The following NOX4 variants were observed in gnomAD, a reference collection of about 807,000 sequenced individuals.
NOX4 encodes the protein NADPH oxidase 4.
Under a neutral mutation model 87.6 loss-of-function variants are expected in NOX4, and 69 were observed. The ratio of observed to expected loss-of-function variants is 0.79; its 90% CI spans 0.65 to 0.96. The LOEUF is 0.96. Ranked by LOEUF, NOX4 falls within the 40% of genes least tolerant of loss-of-function variation. The pLI, the probability that NOX4 is intolerant of heterozygous loss-of-function variation, is 0.00. For synonymous variants in NOX4, 275 were observed against 238.2 expected (o/e 1.15, Z -1.42); for missense variants, 680 against 681.5 (o/e 1.00, Z 0.02).
At chr11:89,572,479 C>T in the NOX4 span, among the ~76,000 whole-genome samples, 1 of 152,064 alleles carries the variant, frequency 6.6e-6, no homozygotes, top group Non-Finnish European at 1.5e-5. Flanking sequence ...CTATTAAGTT[C>T]TTCTTGAGAC....
chr11:89,455,527 T>C (rs1945153399), intron 2 of NOX4, among the ~76,000 whole-genome samples: 2 of 152,098 alleles, frequency 1.3e-5, no homozygotes, highest in Non-Finnish European at 2.9e-5. Context: ...TAAACACAGG[T>C]ACCATGCTCT....
the NOX4 span, among the ~76,000 whole-genome samples, chr11:89,570,709 T>C: frequency 2.0e-5 from 3 of 152,074 alleles, no homozygotes; most frequent in African/African-American, 4.8e-5. Flanking sequence ...TGCATACCTG[T>C]AGTTGCAGAG....
the NOX4 span, among the ~76,000 whole-genome samples, chr11:89,532,295 G>A: frequency 4.6e-5 from 7 of 152,216 alleles, no homozygotes; most frequent in South Asian, 2.1e-4. Flanking sequence ...CTACCCTACA[G>A]AGCCACAGAG....
chr11:89,364,736 A>G (rs1419520073), intron 12 of NOX4, among the ~76,000 whole-genome samples: 11 of 152,126 alleles, frequency 7.2e-5, no homozygotes, highest in Non-Finnish European at 1.3e-4. Context: ...TTTATCTACT[A>G]TCATTCACAC....
chr11:89,508,289 A>G, the NOX4 span, among the ~76,000 whole-genome samples: 1 of 152,074 alleles, frequency 6.6e-6, no homozygotes, highest in Admixed American at 6.6e-5. Context: ...GATGTCTTGT[A>G]AATGAGCGCC....
the NOX4 span, among the ~76,000 whole-genome samples, chr11:89,565,402 T>C: frequency 1.8e-4 from 27 of 152,148 alleles, no homozygotes; most frequent in African/African-American, 6.0e-4. Flanking sequence ...TGTACATTCA[T>C]TGGATATTAT....
Position 89,449,477 on chromosome 11 carries a change from G to A in NOX4, c.312C>T (p.Phe104=). The change falls in exon 4 of 18, where the codon TTC becomes TTT. Residue 104 remains phenylalanine (F), a synonymous_variant. Transcript: ENST00000263317. ...AGATAGTAACACCACAGGTAATATG[G>A]AATGTTCTGCTTTTATCCAACAATC... ...TRRLLDKSRT[F]HITCGVTICI... is the part of the protein sequence containing the mutation. The A allele has an allele frequency of 6.2e-7, 1 of 1,611,988 alleles. No homozygotes were observed. Among genetic ancestry groups the A allele is most frequent in the Non-Finnish European group, 8.5e-7 (1 of 1,178,890 alleles).
chr11:89,577,279 T>A, the NOX4 span: 1 of 152,288 alleles, frequency 6.6e-6, no homozygotes, highest in African/African-American at 2.4e-5. Flanking sequence ...TATTTCATTC[T>A]CAATGATGAT....
chr11:89,544,588 T>C, the NOX4 span, among the ~76,000 whole-genome samples: 1 of 152,086 alleles, frequency 6.6e-6, no homozygotes, highest in East Asian at 1.9e-4. Context: ...TGGACATCTT[T>C]TAAGGATTCC....
At chr11:89,385,570 T>A (rs1052378942) in intron 11 of NOX4, among the ~76,000 whole-genome samples, 1 of 152,216 alleles carries the variant, frequency 6.6e-6, no homozygotes, top group African/African-American at 2.4e-5. Flanking sequence ...TCATGTAGGT[T>A]ACAAGCTGGT....
At chr11:89,328,248 TGAGTAAA>T (rs1263200322) in intron 17 of NOX4, among the ~76,000 whole-genome samples, 1 of 152,136 alleles carries the variant, frequency 6.6e-6, no homozygotes, top group East Asian at 1.9e-4. Context: ...TTCATGAATG[TGAGTAAA>T]GAGATATCAG....
intron 17 of NOX4, among the ~76,000 whole-genome samples, chr11:89,332,823 A>G (rs1339775590): frequency 6.6e-6 from 1 of 151,854 alleles, no homozygotes; most frequent in African/African-American, 2.4e-5. Flanking sequence ...TAGCTTCTTC[A>G]TTTGTAAAAT....
intron 2 of NOX4, among the ~76,000 whole-genome samples, chr11:89,469,796 C>G (rs1235309853): frequency 6.6e-6 from 1 of 152,122 alleles, no homozygotes; most frequent in African/African-American, 2.4e-5. Context: ...ACAAATTTTC[C>G]TCTCATTTTA....
At chr11:89,568,417 C>T in the NOX4 span, among the ~76,000 whole-genome samples, 1 of 152,120 alleles carries the variant, frequency 6.6e-6, no homozygotes, top group Admixed American at 6.5e-5. Flanking sequence ...CAAATTAAAA[C>T]ACAATCCCAT....
At chr11:89,432,948 G>C (rs547659548) in intron 6 of NOX4, 92 bp from the exon 7 acceptor site, 8 of 814,726 alleles carry the variant, frequency 9.8e-6, no homozygotes, top group East Asian at 2.7e-5. Flanking sequence ...ATACTGTGCT[G>C]TTCTGTGGGA....
rs550801771 is a variant in NOX4 at position 89,448,031 on chromosome 11, C to G, written c.349+1409G>C. Among the ~76,000 whole-genome samples, 4 of 152,288 alleles carry G rather than the reference C, an allele frequency of 2.6e-5. No homozygotes were observed. In the South Asian group the frequency reaches 8.3e-4, roughly 32 times the overall value. On this transcript the variant is annotated intron_variant, in intron 4 of 17. Transcript: ENST00000263317. ...ACATTCATTAGTCAAAATGGCCCTG[C>G]TATCAAAACAGCTATGTCATCAAAT...
chr11:89,427,769 A>G (rs749167054), intron 7 of NOX4, among the ~76,000 whole-genome samples: 1 of 152,204 alleles, frequency 6.6e-6, no homozygotes, highest in Non-Finnish European at 1.5e-5. Flanking sequence ...TGACGGCGAG[A>G]ATGGAACCAA....
chr11:89,484,109 G>GCA (rs912317389), intron 2 of NOX4, among the ~76,000 whole-genome samples: 32 of 152,126 alleles, frequency 2.1e-4, no homozygotes, highest in Non-Finnish European at 4.1e-4. Flanking sequence ...TTATCACTGA[G>GCA]CACAATCTGT....
chr11:89,432,330 C>A (rs945486693), intron 7 of NOX4, among the ~76,000 whole-genome samples: 1 of 150,944 alleles, frequency 6.6e-6, no homozygotes, highest in Non-Finnish European at 1.5e-5. Context: ...GCACATGTAC[C>A]CTAGAACTTA....
Sources: allele counts gnomAD v4.1 joint callset (sites outside exome capture counted in the v4.1 genomes callset), GRCh38; gene constraint gnomAD v4.1.1; transcripts MANE v1.5; gene names NCBI Gene and HGNC (gene_info 2026-07-23, HGNC 2026-07-21).